The following KIF21B variants were observed in gnomAD, a reference collection of about 807,000 sequenced individuals.
KIF21B encodes the protein kinesin family member 21B.
A neutral mutation model predicts 192.9 loss-of-function variants in KIF21B; 85 were observed. The observed-to-expected ratio is 0.44, with a 90% CI of 0.37 to 0.53. The LOEUF is 0.53. KIF21B is among the 20% of genes least tolerant of loss of function. The pLI, the probability that KIF21B is intolerant of heterozygous loss-of-function variation, is 0.00. For missense variants in KIF21B, 1,716 were observed against 2,194.8 expected, an observed-to-expected ratio of 0.78 and a Z score of 4.36; for synonymous variants, 832 against 884.6, an observed-to-expected ratio of 0.94 and a Z score of 1.05.
At position 200,971,651 on chromosome 1, in the gene KIF21B, T is replaced by C. The variant is rs1011296122; in HGVS notation, c.*1870A>G. ...CCAGAGGAAGAAGGATTTCCAGCCATTGCTGACAGACTGTTCAGGTCCCAG... is the reference window on the plus strand; with the variant it reads ...CCAGAGGAAGAAGGATTTCCAGCCACTGCTGACAGACTGTTCAGGTCCCAG... On this transcript the variant is annotated 3_prime_UTR_variant, in exon 35 of 35. Transcript: ENST00000461742. 22 of 152,436 alleles carry C rather than the reference T, an allele frequency of 1.4e-4. No individual in the cohort carries two copies. The highest frequency in any genetic ancestry group is 1.4e-3 in the Admixed American group (21 of 15,288). 9.4% of individuals were successfully genotyped at this position (152,436 alleles called of 1,614,324 possible).
intron 9 of KIF21B, chr1:201,001,376 A>C (rs1657490032): frequency 6.5e-6 from 1 of 152,858 alleles, no homozygotes; most frequent in Non-Finnish European, 1.5e-5. Context: ...GAAGATGAAG[A>C]GAAGTAGGTT....
At chr1:200,992,253 T>C (rs2102415234) in intron 16 of KIF21B, 29 bp downstream of exon 16, 6 of 1,602,564 alleles carry the variant, frequency 3.7e-6, no homozygotes, top group Non-Finnish European at 5.1e-6. Context: ...GGCCAAAGGC[T>C]CCTGGGAGGC....
At chr1:200,993,359 A>G (rs1025763311) in intron 15 of KIF21B, among the ~76,000 whole-genome samples, 1 of 152,204 alleles carries the variant, frequency 6.6e-6, no homozygotes, top group African/African-American at 2.4e-5. Context: ...CCAGGGCTCA[A>G]GTCCCTCCTC....
At chr1:200,978,958 A>G (rs2134758) in intron 30 of KIF21B, among the ~76,000 whole-genome samples, 39,364 of 152,028 alleles carry the variant, frequency 0.26, 6,125 homozygotes, top group African/African-American at 0.43. Flanking sequence ...CAAAATACCT[A>G]GGATTATAGG....
rs1195343081 is a variant in KIF21B at position 201,007,355 on chromosome 1, GAC to G, written c.447+1412_447+1413del. Among the ~76,000 whole-genome samples the G allele has an allele frequency of 3.6e-4, 19 of 52,234 alleles. 1 individual carries two copies. Among genetic ancestry groups the G allele is most frequent in the Admixed American group, 6.9e-4 (4 of 5,820 alleles). The allele number at this position is 52,234 out of a possible 152,430, so 34.3% of individuals were successfully genotyped here. On this transcript the variant is annotated intron_variant, in intron 3 of 34. Coordinates refer to ENST00000461742, the MANE Select transcript of KIF21B (RefSeq NM_001252102.2). ...ACACACACAGACACAGAGACACATA[GAC>G]ACACACACACACACAGAGACAGAGA...
In KIF21B at chr1:200,970,772, G is replaced by T. The variant is rs950589122; in HGVS notation, c.*2749C>A. On this transcript the variant is annotated 3_prime_UTR_variant, in exon 35 of 35. Transcript: ENST00000461742. ...GCTAGGACTCAGCCTGAACTCAGGC[G>T]TTTAGAGATTTGGGGTGCGGGGTTT... is the stretch of plus-strand genomic sequence containing the variant. 2.0e-5 allele frequency: 3 copies of T among 152,406 alleles called. No homozygotes were observed. The highest frequency in any genetic ancestry group is 7.2e-5 in the African/African-American group (3 of 41,462). 9.4% of individuals were successfully genotyped at this position (152,406 alleles called of 1,614,324 possible).
intron 3 of KIF21B, among the ~76,000 whole-genome samples, chr1:201,007,044 AC>A (rs1657880600): frequency 6.8e-6 from 1 of 146,468 alleles, no homozygotes; most frequent in African/African-American, 2.6e-5. Context: ...ACACAGAGAC[AC>A]ATAGACACAC....
At chr1:201,002,397 T>C in intron 8 of KIF21B, 47 bp from the exon 9 acceptor site, 3 of 1,574,060 alleles carry the variant, frequency 1.9e-6, no homozygotes, top group Non-Finnish European at 2.6e-6. Flanking sequence ...GAGCTCGCGG[T>C]TGGGGGGGTA....
Position 200,996,361 on chromosome 1 carries a change from GT to G in KIF21B, c.2111del (p.Asn704ThrfsTer14). ...TMECYTEEKA[N>X]KIKADYEKRL... ...TCTTCTCATAGTCTGCCTTGATCTT[GT>G]TGGCCTTCTCCTCAGTATAGCACTC... is the stretch of plus-strand genomic sequence containing the variant. On this transcript the variant is annotated frameshift_variant, in exon 15 of 35. Transcript: ENST00000461742. LOFTEE classifies it high-confidence loss of function. The G allele has an allele frequency of 6.2e-7, 1 of 1,614,114 alleles. No homozygotes were observed. The highest frequency in any genetic ancestry group is 8.5e-7 in the Non-Finnish European group (1 of 1,180,038).
intron 26 of KIF21B, 99 bp downstream of exon 26, chr1:200,986,745 T>C: frequency 1.9e-6 from 2 of 1,073,576 alleles, no homozygotes; most frequent in Non-Finnish European, 2.8e-6. Context: ...GGTTACACTG[T>C]GTACAAGATG....
chr1:200,970,076 G>A lies in KIF21B; in HGVS notation c.*3445C>T, dbSNP rs1242135231. 6.5e-6 allele frequency: 1 copy of A among 152,738 alleles called. No homozygotes were observed. The highest frequency in any genetic ancestry group is 1.5e-5 in the Non-Finnish European group (1 of 68,164). The allele number at this position is 152,738 out of a possible 1,614,324, so 9.5% of individuals were successfully genotyped here. A position where few individuals can be genotyped will look rare whatever the true frequency, so the allele number is the denominator to read the frequency against. On this transcript the variant is annotated 3_prime_UTR_variant, in exon 35 of 35. Transcript: ENST00000461742. Reference sequence around the variant, plus strand: ...CACAAACACGATGGTGAACAGACCAGGCACAGGCAACAACCAGGGGATATG... The same window carrying A: ...CACAAACACGATGGTGAACAGACCAAGCACAGGCAACAACCAGGGGATATG...
At chr1:200,989,036 G>T in intron 21 of KIF21B, 105 bp from the exon 22 acceptor site, 2 of 1,168,290 alleles carry the variant, frequency 1.7e-6, no homozygotes, top group Non-Finnish European at 1.2e-6. Context: ...CTCCTTTCCA[G>T]CTCCCAACAT....
chr1:201,004,741 G>C, intron 6 of KIF21B, 25 bp downstream of exon 6: 1 of 1,613,880 alleles, frequency 6.2e-7, no homozygotes, highest in Non-Finnish European at 8.5e-7. Flanking sequence ...TGGGTGCTGG[G>C]GCTGATGACC....
At position 200,998,127 on chromosome 1, in the gene KIF21B, C is replaced by T. The variant is rs1004328931; in HGVS notation, c.2077+257G>A. ...GAGGAAAGGCTGGGAGTGTCATGTT[C>T]GCGTGCCTAGGTATATAAAGAATTC... On this transcript the variant is annotated intron_variant, in intron 14 of 34. Transcript: ENST00000461742. The surrounding 1 kb of genome is among the most constrained non-coding windows in gnomAD (Gnocchi z 4.3). Among the ~76,000 whole-genome samples the T allele has an allele frequency of 1.3e-5, 2 of 152,088 alleles. No homozygotes were observed. Among genetic ancestry groups the T allele is most frequent in the Non-Finnish European group, 2.9e-5 (2 of 68,038 alleles).
intron 1 of KIF21B, among the ~76,000 whole-genome samples, chr1:201,020,067 C>T (rs1658731832): frequency 6.6e-6 from 1 of 152,048 alleles, no homozygotes; most frequent in African/African-American, 2.4e-5. Context: ...CCTACTTAAC[C>T]CTGTAGTATC....
intron 8 of KIF21B, 89 bp from the exon 9 acceptor site, chr1:201,002,439 G>A (rs763255854): frequency 1.2e-4 from 142 of 1,214,650 alleles, no homozygotes; most frequent in Middle Eastern, 5.8e-4. Flanking sequence ...CTCTGCCAGC[G>A]CCCTGGCCTT....
chr1:201,016,604 G>A (rs1470227329), intron 1 of KIF21B, among the ~76,000 whole-genome samples: 1 of 152,180 alleles, frequency 6.6e-6, no homozygotes, highest in Non-Finnish European at 1.5e-5. Flanking sequence ...TCTTCCCATA[G>A]AGACCAGTCT....
At position 200,982,461 on chromosome 1, in the gene KIF21B, C is replaced by T. The variant is rs74136298; in HGVS notation, c.3842+595G>A. On this transcript the variant is annotated intron_variant, in intron 28 of 34. Coordinates refer to ENST00000461742, the MANE Select transcript of KIF21B (RefSeq NM_001252102.2). The surrounding 1 kb of genome is among the most constrained non-coding windows in gnomAD (Gnocchi z 4.7). Reference sequence around the variant, plus strand: ...GCTCCTCGTTGTGCGGTGTCATGCTCGGCTGGCTGGGAGAACCAGCCTCCA... The same window carrying T: ...GCTCCTCGTTGTGCGGTGTCATGCTTGGCTGGCTGGGAGAACCAGCCTCCA... 0.012 allele frequency among the ~76,000 whole-genome samples: 1,895 copies of T among 152,296 alleles called. 35 individuals carry two copies. The highest frequency in any genetic ancestry group is 0.042 in the African/African-American group (1,766 of 41,556).
In KIF21B at chr1:201,017,818, C is replaced by T. The variant is rs1449932501; in HGVS notation, c.41+5525G>A. On this transcript the variant is annotated intron_variant, in intron 1 of 34. Transcript: ENST00000461742. The surrounding 1 kb of genome is among the most constrained non-coding windows in gnomAD (Gnocchi z 4.1). ...CCTCAGGAAAGCAGAGGGATAGACA[C>T]TCAGGCATTTGGGGATGGGATGGCA... 1.3e-5 allele frequency among the ~76,000 whole-genome samples: 2 copies of T among 152,228 alleles called. No homozygotes were observed. Among genetic ancestry groups the T allele is most frequent in the Non-Finnish European group, 1.5e-5 (1 of 68,040 alleles).
Sources: gnomAD v4.1 joint callset for allele counts (sites outside exome capture counted in the v4.1 genomes callset) on GRCh38, gnomAD v4.1.1 for gene constraint, Gnocchi (gnomAD v3.1) non-coding constraint, MANE v1.5 for transcripts, NCBI Gene and HGNC (gene_info 2026-07-23, HGNC 2026-07-21) for gene names.